The following CDKAL1 variants were observed in gnomAD, a reference collection of about 807,000 sequenced individuals.
The protein encoded by CDKAL1 is threonylcarbamoyladenosine tRNA methylthiotransferase.
CDKAL1 carries 32 observed loss-of-function variants against 68.2 expected under a neutral mutation model. The ratio of observed to expected loss-of-function variants is 0.47; its 90% CI spans 0.35 to 0.63. The LOEUF is 0.63. Ranked by LOEUF, CDKAL1 falls within the 30% of genes least tolerant of loss-of-function variation. The pLI is 0.00. For missense variants in CDKAL1, 606 were observed against 696.7 expected, an observed-to-expected ratio of 0.87 and a Z score of 1.47; for synonymous variants, 234 against 244.3, an observed-to-expected ratio of 0.96 and a Z score of 0.39.
chr6:20,842,515 C>T (rs1331743232), intron 8 of CDKAL1, among the ~76,000 whole-genome samples: 1 of 152,094 alleles, frequency 6.6e-6, no homozygotes, highest in Non-Finnish European at 1.5e-5. Context: ...CCGTCTTATA[C>T]AATAAAGAGT....
chr6:20,676,738 A>T (rs990589588), intron 5 of CDKAL1, among the ~76,000 whole-genome samples: 7 of 151,974 alleles, frequency 4.6e-5, no homozygotes, highest in African/African-American at 1.7e-4. Context: ...TTTATGCTGT[A>T]TTTTTGTATG....
At chr6:20,766,041 A>G (rs1247569309) in intron 7 of CDKAL1, among the ~76,000 whole-genome samples, 2 of 152,196 alleles carry the variant, frequency 1.3e-5, no homozygotes, top group African/African-American at 2.4e-5. Context: ...AGGCTTTTAG[A>G]ACACAAATGA....
intron 10 of CDKAL1, among the ~76,000 whole-genome samples, chr6:20,967,934 C>T (rs953406087): frequency 3.9e-5 from 6 of 152,204 alleles, no homozygotes; most frequent in African/African-American, 1.4e-4. Flanking sequence ...TCACTTCCCT[C>T]TCTTCCATAT....
intron 11 of CDKAL1, among the ~76,000 whole-genome samples, chr6:21,056,154 C>T (rs769359733): frequency 1.5e-4 from 23 of 151,502 alleles, no homozygotes; most frequent in African/African-American, 5.1e-4. Context: ...GTTTGTTGGC[C>T]GAATGGAATG....
intron 9 of CDKAL1, among the ~76,000 whole-genome samples, chr6:20,862,648 TG>T (rs1196809084): frequency 4.7e-5 from 7 of 150,130 alleles, no homozygotes; most frequent in Middle Eastern, 3.2e-3. Context: ...TGTGTGTGTG[TG>T]TGTGTGTGTG....
intron 5 of CDKAL1, among the ~76,000 whole-genome samples, chr6:20,661,082 T>C (rs759601619): frequency 6.6e-6 from 1 of 152,168 alleles, no homozygotes; most frequent in Non-Finnish European, 1.5e-5. Context: ...GTGATGTCTC[T>C]GTTATTGACT....
At chr6:20,629,749 A>T (rs1279719587) in intron 4 of CDKAL1, among the ~76,000 whole-genome samples, 5 of 148,884 alleles carry the variant, frequency 3.4e-5, no homozygotes, top group Middle Eastern at 3.5e-3. Flanking sequence ...CAGCTCTGTC[A>T]CCCTGTGCTG....
At chr6:20,946,654 A>G (rs756464125) in intron 9 of CDKAL1, among the ~76,000 whole-genome samples, 136 of 141,998 alleles carry the variant, frequency 9.6e-4, no homozygotes, top group Non-Finnish European at 1.4e-3. Context: ...CTGGAGTTCA[A>G]TGAGGCAATC....
chr6:20,751,757 A>G lies in CDKAL1; in HGVS notation c.469-6838A>G, dbSNP rs1475833899. ...AACTCCTTTCTTCATTGTTGAGAACATATGGAGTCAGTAATAAAACATACT... is the reference window on the plus strand; with the variant it reads ...AACTCCTTTCTTCATTGTTGAGAACGTATGGAGTCAGTAATAAAACATACT... On this transcript the variant is annotated intron_variant, in intron 6 of 15. Transcript: ENST00000274695. Among the ~76,000 whole-genome samples, 6 of 152,342 alleles carry G rather than the reference A, an allele frequency of 3.9e-5. 1 individual carries two copies. The East Asian group carries it at 1.2e-3, about 29-fold the overall frequency.
At chr6:20,604,385 C>T (rs935159346) in intron 4 of CDKAL1, among the ~76,000 whole-genome samples, 6 of 152,184 alleles carry the variant, frequency 3.9e-5, no homozygotes, top group African/African-American at 1.4e-4. Context: ...ACCAGCCAGC[C>T]ATCTGCTAGT....
intron 13 of CDKAL1, among the ~76,000 whole-genome samples, chr6:21,132,116 C>G (rs1030248379): frequency 6.6e-6 from 1 of 152,006 alleles, no homozygotes. Flanking sequence ...TAGTTCATAT[C>G]GTTTAGCTCA....
At position 20,748,882 on chromosome 6, in the gene CDKAL1, C is replaced by T. The variant is rs374731466; in HGVS notation, c.468+9267C>T. ...TATTTTTTAATTGGAATTAAAATGA[C>T]ATTGTCTTTTTATTTATTTATATAC... On this transcript the variant is annotated intron_variant, in intron 6 of 15. Coordinates refer to ENST00000274695, the MANE Select transcript of CDKAL1 (RefSeq NM_017774.3). 4.6e-5 allele frequency among the ~76,000 whole-genome samples: 7 copies of T among 151,776 alleles called. No homozygotes were observed. In the East Asian group the frequency reaches 1.3e-3, roughly 29 times the overall value.
At chr6:20,934,860 A>G (rs1763627002) in intron 9 of CDKAL1, among the ~76,000 whole-genome samples, 7 of 151,788 alleles carry the variant, frequency 4.6e-5, no homozygotes, top group Admixed American at 4.6e-4. Flanking sequence ...AAAGAAACAA[A>G]GCAAAACCCT....
At chr6:21,201,543 A>G (rs528234287) in intron 15 of CDKAL1, among the ~76,000 whole-genome samples, 3 of 152,310 alleles carry the variant, frequency 2.0e-5, no homozygotes, top group Admixed American at 2.0e-4. Flanking sequence ...GCAGGTGAAA[A>G]TGTTGACACC....
intron 11 of CDKAL1, among the ~76,000 whole-genome samples, chr6:21,034,714 A>G (rs1769479466): frequency 6.6e-6 from 1 of 152,208 alleles, no homozygotes; most frequent in Non-Finnish European, 1.5e-5. Flanking sequence ...GTGTGAATAT[A>G]GGGTTAGTTT....
chr6:20,925,080 C>T (rs901836365), intron 9 of CDKAL1, among the ~76,000 whole-genome samples: 11 of 152,158 alleles, frequency 7.2e-5, no homozygotes, highest in Non-Finnish European at 1.2e-4. Flanking sequence ...TGCTGCCTTC[C>T]TTGAAGAAAT....
chr6:20,546,370 A>G lies in CDKAL1; in HGVS notation c.20A>G (p.Asp7Gly). ...GAGAATATGCCTTCTGCATCCTGTG[A>G]TACACTACTGGATGACATCGAAGAT... The part of the protein sequence containing the change: MPSASC[D>G]TLLDDIEDIV... The change falls in exon 3 of 16, where the codon GAT becomes GGT. Residue 7 changes from aspartate to glycine, a missense_variant. By Grantham distance (94) the Asp-to-Gly change is moderately conservative. Coordinates refer to ENST00000274695, the MANE Select transcript of CDKAL1 (RefSeq NM_017774.3). 1 of 1,613,086 alleles carries G rather than the reference A, an allele frequency of 6.2e-7. No homozygotes were observed. The highest frequency in any genetic ancestry group is 8.5e-7 in the Non-Finnish European group (1 of 1,179,318).
At chr6:20,943,972 C>T (rs2150703170) in intron 9 of CDKAL1, among the ~76,000 whole-genome samples, 1 of 152,332 alleles carries the variant, frequency 6.6e-6, no homozygotes, top group South Asian at 2.1e-4. Context: ...CATCAGTACT[C>T]AGCCAGAGAC....
chr6:20,702,799 C>CAGG (rs1771427787), intron 5 of CDKAL1, among the ~76,000 whole-genome samples: 1 of 152,148 alleles, frequency 6.6e-6, no homozygotes, highest in African/African-American at 2.4e-5. Flanking sequence ...GATGTGAAGG[C>CAGG]AGGAGTGCCT....
Sources: gnomAD v4.1 joint callset for allele counts (sites outside exome capture counted in the v4.1 genomes callset) on GRCh38, gnomAD v4.1.1 for gene constraint, MANE v1.5 for transcripts, NCBI Gene and HGNC (gene_info 2026-07-23, HGNC 2026-07-21) for gene names.